The following CIT variants were observed in gnomAD, a reference collection of about 807,000 sequenced individuals.
CIT encodes the protein citron Rho-interacting kinase.
CIT carries 79 observed loss-of-function variants against 272.7 expected under a neutral mutation model. The observed-to-expected ratio is 0.29, with a 90% CI of 0.24 to 0.35. The LOEUF (loss-of-function observed/expected upper bound fraction) is 0.35. Among genes scored for constraint, CIT ranks in the 10% least tolerant of loss-of-function variants. The probability of loss-of-function intolerance (pLI) is 1.00; values close to 1 mark genes in which losing one functional copy is unlikely to be tolerated. For synonymous variants in CIT, 948 were observed against 995.6 expected (o/e 0.95, Z 0.90); for missense variants, 1,909 against 2,618.3 (o/e 0.73, Z 5.91).
At chr12:119,703,919 TTACATATCAAAA>T (rs1446696429) in intron 41 of CIT, among the ~76,000 whole-genome samples, 4 of 152,204 alleles carry the variant, frequency 2.6e-5, no homozygotes, top group Admixed American at 6.5e-5. Flanking sequence ...AGCTCCCTAA[TTACATATCAAAA>T]TACTGCTAGC....
chr12:119,718,807 G>A lies in CIT; in HGVS notation c.3895C>T (p.Gln1299Ter). 6.2e-7 allele frequency: 1 copy of A among 1,614,170 alleles called. No individual in the cohort carries two copies. The highest frequency in any genetic ancestry group is 8.5e-7 in the Non-Finnish European group (1 of 1,180,040). The change falls in exon 31 of 48, where the codon CAG (glutamine) becomes TAG (stop). Residue 1299 changes from glutamine to a stop codon, truncating the protein, a stop_gained. Coordinates refer to ENST00000392521, the MANE Select transcript of CIT (RefSeq NM_001206999.2). LOFTEE classifies it high-confidence loss of function. The surrounding 1 kb of genome is among the most constrained non-coding windows in gnomAD (Gnocchi z 4.8). ...AGGGCCAGCTTCAGCTCATTGTACTGCAGAGGAACCTGTGTGGGTAAAGCA... is the reference window on the plus strand; with the variant it reads ...AGGGCCAGCTTCAGCTCATTGTACTACAGAGGAACCTGTGTGGGTAAAGCA... Reference protein sequence around the residue: ...DPALPTQVPLQYNELKLALEK... With the variant: ...DPALPTQVPL
At chr12:119,862,472 G>A (rs1470240032) in intron 3 of CIT, among the ~76,000 whole-genome samples, 2 of 151,676 alleles carry the variant, frequency 1.3e-5, no homozygotes, top group African/African-American at 2.4e-5. Context: ...TGTGCCCCTC[G>A]CCCCTACAAA....
At chr12:119,709,942 C>A (rs760309554) in intron 39 of CIT, among the ~76,000 whole-genome samples, 1 of 152,022 alleles carries the variant, frequency 6.6e-6, no homozygotes, top group Non-Finnish European at 1.5e-5. Flanking sequence ...TCAGGGCCCA[C>A]GGTGGTTTCG....
intron 32 of CIT, among the ~76,000 whole-genome samples, chr12:119,716,050 C>G (rs1021118811): frequency 2.6e-5 from 4 of 152,144 alleles, no homozygotes; most frequent in Non-Finnish European, 4.4e-5. Context: ...ATGCTTTCCT[C>G]TATCTTGTCA....
intron 12 of CIT, 145 bp from the exon 13 acceptor site, chr12:119,782,782 C>T (rs1964418919): frequency 9.2e-6 from 9 of 980,970 alleles, no homozygotes; most frequent in Admixed American, 2.7e-5. Context: ...AGTTGGTTGC[C>T]GACTCCGGTT....
intron 41 of CIT, among the ~76,000 whole-genome samples, chr12:119,702,935 G>GATT (rs1004800664): frequency 6.6e-6 from 1 of 152,084 alleles, no homozygotes; most frequent in African/African-American, 2.4e-5. Context: ...CCTGCTTCCT[G>GATT]ATTATTTTTA....
At chr12:119,698,913 C>A (rs960384200) in intron 44 of CIT, among the ~76,000 whole-genome samples, 1 of 152,062 alleles carries the variant, frequency 6.6e-6, no homozygotes, top group African/African-American at 2.4e-5. Context: ...TCATTGTATA[C>A]CTTTTAAAAC....
chr12:119,833,996 G>T, intron 6 of CIT, 90 bp downstream of exon 6: 1 of 1,324,390 alleles, frequency 7.6e-7, no homozygotes, highest in Non-Finnish European at 1.0e-6. Context: ...TCTTGATCTT[G>T]AAATCACTCA....
At chr12:119,860,924 C>A (rs1363695425) in intron 3 of CIT, among the ~76,000 whole-genome samples, 3 of 151,760 alleles carry the variant, frequency 2.0e-5, no homozygotes, top group South Asian at 4.2e-4. Context: ...AGCTCAAGAC[C>A]AGCCTGGCCA....
chr12:119,704,223 G>A (rs1362064947), intron 41 of CIT, 140 bp downstream of exon 41: 5 of 684,216 alleles, frequency 7.3e-6, no homozygotes, highest in South Asian at 3.8e-5. Flanking sequence ...GACGACAGAG[G>A]TCACCCCAGG....
intron 46 of CIT, among the ~76,000 whole-genome samples, chr12:119,693,131 T>G (rs1956048408): frequency 6.6e-6 from 1 of 152,186 alleles, no homozygotes; most frequent in Non-Finnish European, 1.5e-5. Flanking sequence ...GGACGTCAGC[T>G]GAGATTAACG....
chr12:119,736,528 T>A (rs1958766617), intron 24 of CIT, among the ~76,000 whole-genome samples: 2 of 152,250 alleles, frequency 1.3e-5, no homozygotes, highest in African/African-American at 4.8e-5. Flanking sequence ...AATGGTCTAG[T>A]AATTTGCTTT....
At chr12:119,838,912 G>C (rs1282689118) in intron 5 of CIT, among the ~76,000 whole-genome samples, 2 of 152,202 alleles carry the variant, frequency 1.3e-5, no homozygotes, top group Non-Finnish European at 2.9e-5. Flanking sequence ...GGCACAGGAG[G>C]AGGAAAGAGT....
In CIT at chr12:119,690,147, T is replaced by C; in HGVS notation, c.6186+4A>G. The C allele has an allele frequency of 6.8e-7, 1 of 1,463,864 alleles. No individual in the cohort carries two copies. 90.7% of individuals were successfully genotyped at this position (1,463,864 alleles called of 1,614,324 possible). ...GACACACAGGCCTCGGAATGCTGCC[T>C]CACCTTGTTCACCTGGGACAGCGGG... On this transcript the variant is annotated splice_donor_region_variant and intron_variant, in intron 47 of 47. Coordinates refer to ENST00000392521, the MANE Select transcript of CIT (RefSeq NM_001206999.2). This position sits in a 1 kb window ranked among gnomAD's most constrained non-coding sequence, Gnocchi z 6.0.
intron 46 of CIT, among the ~76,000 whole-genome samples, chr12:119,692,167 A>G (rs1955989797): frequency 6.6e-6 from 1 of 152,246 alleles, no homozygotes; most frequent in Admixed American, 6.5e-5. Flanking sequence ...TATTTGAAAA[A>G]GCCGGGCACA....
Position 119,822,819 on chromosome 12 carries a change from C to T in CIT, c.1111+1G>A, listed in dbSNP as rs879255522. The T allele has an allele frequency of 6.2e-7, 1 of 1,613,926 alleles. No individual in the cohort carries two copies. The highest frequency in any genetic ancestry group is 1.1e-5 in the South Asian group (1 of 91,030). On this transcript the variant is annotated splice_donor_variant, in intron 9 of 47. Coordinates refer to ENST00000392521, the MANE Select transcript of CIT (RefSeq NM_001206999.2). LOFTEE classifies it high-confidence loss of function. ...AAATTAAGGAAAACAGCCCTACTTA[C>T]AGTTACGAATGTTGTTCCAGTCAAT...
chr12:119,856,587 C>G (rs1318924973), intron 4 of CIT, among the ~76,000 whole-genome samples: 4 of 152,002 alleles, frequency 2.6e-5, no homozygotes, highest in African/African-American at 9.7e-5. Flanking sequence ...CATTCTAGTA[C>G]TCCAGAATGT....
intron 6 of CIT, among the ~76,000 whole-genome samples, chr12:119,833,592 C>G (rs280589): frequency 0.72 from 106,866 of 149,320 alleles, 38,566 homozygotes; most frequent in East Asian, 0.97. Context: ...CTGAACCCAG[C>G]AGGCGGAGGT....
intron 23 of CIT, among the ~76,000 whole-genome samples, chr12:119,743,155 G>A (rs543622023): frequency 2.6e-5 from 4 of 152,056 alleles, no homozygotes; most frequent in South Asian, 2.1e-4. Flanking sequence ...TTCTGGTGAC[G>A]GAAGATCGGA....
Sources: gnomAD v4.1 joint callset for allele counts (sites outside exome capture counted in the v4.1 genomes callset) on GRCh38, gnomAD v4.1.1 for gene constraint, Gnocchi (gnomAD v3.1) non-coding constraint, MANE v1.5 for transcripts, NCBI Gene and HGNC (gene_info 2026-07-23, HGNC 2026-07-21) for gene names.